Variants in MACROD2 observed in about 807,000 individuals in gnomAD.
MACROD2 encodes mono-ADP ribosylhydrolase 2.
MACROD2 carries 36 observed loss-of-function variants against 70.4 expected under a neutral mutation model. That is an observed-to-expected ratio of 0.51 (90% CI 0.39 to 0.68). MACROD2 has a LOEUF of 0.68. Among genes scored for constraint, MACROD2 ranks in the 30% least tolerant of loss-of-function variants. MACROD2 has a pLI of 0.00. For missense variants in MACROD2, 496 were observed against 538.4 expected (o/e 0.92, Z 0.78); for synonymous variants, 172 against 178.8 (o/e 0.96, Z 0.30).
intron 7 of MACROD2, among the ~76,000 whole-genome samples, chr20:15,488,099 G>A (rs1217018469): frequency 6.6e-6 from 1 of 152,126 alleles, no homozygotes; most frequent in Non-Finnish European, 1.5e-5. Flanking sequence ...GGGATCCTAG[G>A]ACACAGGCCT....
chr20:14,154,552 A>ATTTTTTTTTT (rs869299523), intron 3 of MACROD2, among the ~76,000 whole-genome samples: 11 of 106,646 alleles, frequency 1.0e-4, no homozygotes, highest in African/African-American at 3.0e-4. Flanking sequence ...CGCCCGGCTA[A>ATTTTTTTTTT]TTTTTTTTTT....
intron 5 of MACROD2, among the ~76,000 whole-genome samples, chr20:15,011,192 C>T (rs2075079707): frequency 6.6e-6 from 1 of 152,098 alleles, no homozygotes; most frequent in Non-Finnish European, 1.5e-5. Flanking sequence ...GAGTTGACAC[C>T]ACTTTCTGAT....
At chr20:15,904,738 G>A (rs1020579460) in intron 10 of MACROD2, among the ~76,000 whole-genome samples, 2 of 151,872 alleles carry the variant, frequency 1.3e-5, no homozygotes, top group Non-Finnish European at 2.9e-5. Flanking sequence ...AAAATTAGCC[G>A]GGCGTGGTGG....
rs73244049 is a variant in MACROD2 at position 15,765,824 on chromosome 20, A to T, written c.646-96921A>T. On this transcript the variant is annotated intron_variant, in intron 8 of 17. Coordinates refer to ENST00000684519, the MANE Select transcript of MACROD2 (RefSeq NM_001351661.2). ...CTTGTACTTGGCCTGCCTTCACCCA[A>T]TGTTGCAATGACAATCTATACAATG... Among the ~76,000 whole-genome samples the T allele has an allele frequency of 2.0e-5, 3 of 152,176 alleles. No homozygotes were observed. In the East Asian group the frequency reaches 5.8e-4, roughly 29 times the overall value.
chr20:15,358,822 T>TC (rs34769174), intron 6 of MACROD2, among the ~76,000 whole-genome samples: 8 of 151,806 alleles, frequency 5.3e-5, no homozygotes, highest in African/African-American at 1.7e-4. Context: ...TTTTTTTTTT[T>TC]ACAAGGGCAT....
chr20:14,492,885 T>C (rs2084810209), intron 3 of MACROD2, among the ~76,000 whole-genome samples: 1 of 152,120 alleles, frequency 6.6e-6, no homozygotes, highest in African/African-American at 2.4e-5. Context: ...TTATATTTTT[T>C]TAGCTCCTAT....
intron 8 of MACROD2, among the ~76,000 whole-genome samples, chr20:15,781,030 G>T (rs868465075): frequency 1.3e-4 from 20 of 152,108 alleles, no homozygotes; most frequent in African/African-American, 4.1e-4. Context: ...TTCAGATTCA[G>T]CATGCTTAAT....
chr20:14,447,450 G>C (rs1452489484), intron 3 of MACROD2, among the ~76,000 whole-genome samples: 2 of 152,100 alleles, frequency 1.3e-5, no homozygotes, highest in Admixed American at 6.6e-5. Flanking sequence ...GCTGTTATTT[G>C]CCACCTTTTA....
In MACROD2 at chr20:16,052,787, G is replaced by A. The variant is rs41276364; in HGVS notation, c.*2911G>A. ...CATTTCTCTGTATGTGGCGCATGTC[G>A]GCTTTGCTTTGAAAAATAACAAAGT... On this transcript the variant is annotated 3_prime_UTR_variant, in exon 18 of 18. Coordinates refer to ENST00000684519, the MANE Select transcript of MACROD2 (RefSeq NM_001351661.2). The A allele has an allele frequency of 7.2e-3, 1,099 of 152,528 alleles. 10 individuals carry two copies. Among genetic ancestry groups the A allele is most frequent in the Non-Finnish European group, 0.011 (767 of 68,006 alleles). The allele number at this position is 152,528 out of a possible 1,614,324, so 9.4% of individuals were successfully genotyped here. A position where few individuals can be genotyped will look rare whatever the true frequency, so the allele number is the denominator to read the frequency against.
At chr20:14,003,058 A>G (rs6074674) in intron 2 of MACROD2, among the ~76,000 whole-genome samples, 1 of 152,128 alleles carries the variant, frequency 6.6e-6, no homozygotes, top group African/African-American at 2.4e-5. Context: ...TTGAATTAAC[A>G]CTCGTTGGTA....
chr20:14,009,603 C>T (rs748928823), intron 2 of MACROD2, among the ~76,000 whole-genome samples: 1 of 152,070 alleles, frequency 6.6e-6, no homozygotes, highest in Non-Finnish European at 1.5e-5. Flanking sequence ...ACCCAGCAAT[C>T]CTATTACTGG....
At chr20:15,084,459 A>G (rs2031346467) in intron 5 of MACROD2, among the ~76,000 whole-genome samples, 1 of 152,140 alleles carries the variant, frequency 6.6e-6, no homozygotes, top group Admixed American at 6.6e-5. Flanking sequence ...ACCCATGGCC[A>G]CCAACATACA....
At chr20:15,207,283 G>A (rs1392704187) in intron 5 of MACROD2, among the ~76,000 whole-genome samples, 1 of 152,056 alleles carries the variant, frequency 6.6e-6, no homozygotes, top group Non-Finnish European at 1.5e-5. Context: ...TCCTTTGTCT[G>A]AGAATGTCTT....
At chr20:15,852,320 A>C (rs975524426) in intron 8 of MACROD2, among the ~76,000 whole-genome samples, 1 of 152,210 alleles carries the variant, frequency 6.6e-6, no homozygotes, top group Admixed American at 6.5e-5. Flanking sequence ...AAGATTCTGA[A>C]TTCTGCTGCC....
intron 8 of MACROD2, among the ~76,000 whole-genome samples, chr20:15,710,209 A>T (rs78379514): frequency 6.6e-6 from 1 of 151,050 alleles, no homozygotes; most frequent in Admixed American, 6.6e-5. Flanking sequence ...AAAAAAAAAA[A>T]AAAACAATTG....
chr20:14,068,860 C>G (rs1332629404), intron 2 of MACROD2, among the ~76,000 whole-genome samples: 1 of 152,198 alleles, frequency 6.6e-6, no homozygotes, highest in Admixed American at 6.5e-5. Context: ...AAAGAACTTA[C>G]AAGTTAATAG....
intron 4 of MACROD2, among the ~76,000 whole-genome samples, chr20:14,606,837 T>G: frequency 6.6e-6 from 1 of 152,188 alleles, no homozygotes; most frequent in East Asian, 1.9e-4. Context: ...TGGTATTATC[T>G]ACTTTTATTT....
intron 5 of MACROD2, among the ~76,000 whole-genome samples, chr20:14,988,374 A>AAT (rs1555860733): frequency 6.7e-6 from 1 of 150,344 alleles, no homozygotes; most frequent in Non-Finnish European, 1.5e-5. Flanking sequence ...AAAAAAAAAA[A>AAT]GGCTTTATAA....
At chr20:14,621,513 T>C (rs1983824745) in intron 4 of MACROD2, among the ~76,000 whole-genome samples, 1 of 152,142 alleles carries the variant, frequency 6.6e-6, no homozygotes, top group South Asian at 2.1e-4. Context: ...AGCCCTATGT[T>C]TCAGGAAAGT....
Sources: gnomAD v4.1 joint callset for allele counts (sites outside exome capture counted in the v4.1 genomes callset) on GRCh38, gnomAD v4.1.1 for gene constraint, MANE v1.5 for transcripts, NCBI Gene and HGNC (gene_info 2026-07-23, HGNC 2026-07-21) for gene names.